DLC1: variants seen among roughly 807,000 people sequenced by gnomAD.
The protein encoded by DLC1 is DLC1 Rho GTPase activating protein.
Under a neutral mutation model 140.3 loss-of-function variants are expected in DLC1, and 54 were observed. The observed-to-expected ratio is 0.38, with a 90% CI of 0.31 to 0.48. The LOEUF is 0.48. Among genes scored for constraint, DLC1 ranks in the 20% least tolerant of loss-of-function variants. The probability of loss-of-function intolerance (pLI) is 0.96; values close to 1 mark genes in which losing one functional copy is unlikely to be tolerated. For missense variants in DLC1, 2,536 were observed against 1,907.0 expected, an observed-to-expected ratio of 1.33 and a Z score of -6.14; for synonymous variants, 986 against 728.1, an observed-to-expected ratio of 1.35 and a Z score of -5.70.
intron 7 of DLC1, among the ~76,000 whole-genome samples, chr8:13,109,850 A>C (rs893568812): frequency 6.6e-6 from 1 of 152,114 alleles, no homozygotes; most frequent in African/African-American, 2.4e-5. Context: ...ACGCCACTGC[A>C]CTCCAGCCTG....
At chr8:13,160,813 T>C (rs1042099430) in intron 5 of DLC1, among the ~76,000 whole-genome samples, 16 of 152,216 alleles carry the variant, frequency 1.1e-4, no homozygotes, top group Admixed American at 5.2e-4. Context: ...GAGCCGGGCG[T>C]GGTGGCTCAC....
chr8:13,285,492 A>C lies in DLC1; in HGVS notation c.1348+19777T>G, dbSNP rs77268476. 4.1e-3 allele frequency among the ~76,000 whole-genome samples: 621 copies of C among 152,284 alleles called. 6 individuals carry two copies. The highest frequency in any genetic ancestry group is 0.014 in the African/African-American group (595 of 41,540). On this transcript the variant is annotated intron_variant, in intron 5 of 17. Coordinates refer to ENST00000276297, the MANE Select transcript of DLC1 (RefSeq NM_182643.3). ...TCTTCTTCTGACCACATTTTAACAA[A>C]TGGGCAAAAAGTTTAAACTGATACA... is the stretch of plus-strand genomic sequence containing the variant.
chr8:13,392,114 T>A (rs917075402), intron 4 of DLC1, among the ~76,000 whole-genome samples: 4 of 152,198 alleles, frequency 2.6e-5, no homozygotes, highest in African/African-American at 7.2e-5. Context: ...CACACATTAC[T>A]GTTGATTTTT....
chr8:13,114,054 A>G (rs1820332735), intron 6 of DLC1, among the ~76,000 whole-genome samples: 1 of 152,214 alleles, frequency 6.6e-6, no homozygotes, highest in African/African-American at 2.4e-5. Context: ...GAGTATAATG[A>G]AACTCCCATT....
At chr8:13,492,490 TACTC>T (rs33981393) in intron 2 of DLC1, among the ~76,000 whole-genome samples, 127,703 of 151,214 alleles carry the variant, frequency 0.84, 54,803 homozygotes, top group Non-Finnish European at 0.94. Context: ...TTCTATCACT[TACTC>T]TCTCTGTCTC....
chr8:13,600,580 A>C (rs908727500), intron 1 of DLC1, among the ~76,000 whole-genome samples: 2 of 151,924 alleles, frequency 1.3e-5, no homozygotes, highest in Admixed American at 6.6e-5. Context: ...GATGCAGTTG[A>C]AAAAAGAAAA....
At position 13,188,819 on chromosome 8, in the gene DLC1, A is replaced by G. The variant is rs1326188990; in HGVS notation, c.1349-73162T>C. Among the ~76,000 whole-genome samples the G allele has an allele frequency of 1.7e-3, 181 of 105,226 alleles. 1 individual carries two copies. The highest frequency in any genetic ancestry group is 7.0e-3 in the African/African-American group (171 of 24,492). 69.0% of individuals were successfully genotyped at this position (105,226 alleles called of 152,430 possible). The stretch of plus-strand genomic sequence containing the variant: ...TGTGTGTGTATATATATATATATAT[A>G]TATATATGTATATATATATATATAT... On this transcript the variant is annotated intron_variant, in intron 5 of 17. Coordinates refer to ENST00000276297, the MANE Select transcript of DLC1 (RefSeq NM_182643.3).
chr8:13,297,122 C>A (rs1200199531), intron 5 of DLC1, among the ~76,000 whole-genome samples: 2 of 150,594 alleles, frequency 1.3e-5, no homozygotes, highest in African/African-American at 2.4e-5. Flanking sequence ...TTCCTTGATA[C>A]CTGAAAGCTA....
intron 5 of DLC1, among the ~76,000 whole-genome samples, chr8:13,146,272 C>G (rs570279250): frequency 2.2e-4 from 22 of 98,172 alleles, no homozygotes; most frequent in Non-Finnish European, 5.1e-5. Flanking sequence ...AAGACTCCAT[C>G]TCAAAAAAAA....
chr8:13,413,017 G>A (rs1837858964), intron 2 of DLC1, among the ~76,000 whole-genome samples: 1 of 151,408 alleles, frequency 6.6e-6, no homozygotes, highest in Admixed American at 6.6e-5. Context: ...AACACAGGTT[G>A]CCTATCAGCC....
chr8:13,333,340 C>T (rs1222532112), intron 4 of DLC1, among the ~76,000 whole-genome samples: 1 of 152,140 alleles, frequency 6.6e-6, no homozygotes, highest in African/African-American at 2.4e-5. Context: ...ATCCTCCCAC[C>T]TCAGCCTCCC....
At chr8:13,096,575 C>T (rs1186522639) in intron 10 of DLC1, among the ~76,000 whole-genome samples, 2 of 152,128 alleles carry the variant, frequency 1.3e-5, no homozygotes, top group Admixed American at 6.5e-5. Flanking sequence ...GAACACATTA[C>T]GATCCCCACC....
At chr8:13,355,676 G>A (rs1729157) in intron 4 of DLC1, among the ~76,000 whole-genome samples, 139,335 of 152,274 alleles carry the variant, frequency 0.92, 63,839 homozygotes, top group East Asian at 0.99. Context: ...CAAGGACCCA[G>A]TTCATTCCAT....
Position 13,224,835 on chromosome 8 carries a change from C to T in DLC1, c.1348+80434G>A, listed in dbSNP as rs151092130. On this transcript the variant is annotated intron_variant, in intron 5 of 17. Coordinates refer to ENST00000276297, the MANE Select transcript of DLC1 (RefSeq NM_182643.3). ...GTTACTCCTCCCACAAAGGCCAAGT[C>T]ACTTACCCTATGCTAGTCTTATGCA... is the stretch of plus-strand genomic sequence containing the variant. Among the ~76,000 whole-genome samples, 1,279 of 152,316 alleles carry T rather than the reference C, an allele frequency of 8.4e-3. 13 individuals carry two copies. Among genetic ancestry groups the T allele is most frequent in the Middle Eastern group, 0.037 (11 of 294 alleles).
chr8:13,553,505 T>A (rs1418820607), intron 1 of DLC1, among the ~76,000 whole-genome samples: 2 of 151,818 alleles, frequency 1.3e-5, no homozygotes, highest in Non-Finnish European at 2.9e-5. Context: ...TCTTCCCGGT[T>A]TTTAATTTTT....
intron 2 of DLC1, among the ~76,000 whole-genome samples, chr8:13,435,668 C>T (rs1227877840): frequency 6.6e-6 from 1 of 152,188 alleles, no homozygotes; most frequent in Non-Finnish European, 1.5e-5. Context: ...ATGGCATCTA[C>T]TCCTGATGAA....
At chr8:13,417,251 C>G (rs1838108779) in intron 2 of DLC1, among the ~76,000 whole-genome samples, 1 of 151,892 alleles carries the variant, frequency 6.6e-6, no homozygotes, top group South Asian at 2.1e-4. Flanking sequence ...GATACATGTG[C>G]ACAATGTGCA....
chr8:13,516,168 G>GT (rs1021385814), upstream of DLC1, among the ~76,000 whole-genome samples: 1 of 146,728 alleles, frequency 6.8e-6, no homozygotes, highest in African/African-American at 2.7e-5. Context: ...GCATTTTTTT[G>GT]GGGGGGGACT....
intron 2 of DLC1, among the ~76,000 whole-genome samples, chr8:13,430,498 C>T (rs532396529): frequency 2.0e-5 from 3 of 152,178 alleles, no homozygotes. Flanking sequence ...AAGCTATTGC[C>T]CTCATTTTCA....
Sources: allele counts gnomAD v4.1 joint callset (sites outside exome capture counted in the v4.1 genomes callset), GRCh38; gene constraint gnomAD v4.1.1; transcripts MANE v1.5; gene names NCBI Gene and HGNC (gene_info 2026-07-23, HGNC 2026-07-21).